Variants in GLI1 observed in about 807,000 individuals in gnomAD.
GLI1 encodes GLI family zinc finger 1, also known as transcription activator GLI1.
Under a neutral mutation model 87.8 loss-of-function variants are expected in GLI1, and 51 were observed. That is an observed-to-expected ratio of 0.58 (90% CI 0.46 to 0.73). The LOEUF is 0.73. Among genes scored for constraint, GLI1 ranks in the 30% least tolerant of loss-of-function variants. The pLI, the probability that GLI1 is intolerant of heterozygous loss-of-function variation, is 0.00. For synonymous variants in GLI1, 528 were observed against 558.2 expected (o/e 0.95, Z 0.76); for missense variants, 1,292 against 1,437.2 (o/e 0.90, Z 1.63).
At chr12:57,464,155 T>C (rs911115588) in intron 3 of GLI1, 64 bp downstream of exon 3, 46 of 1,085,512 alleles carry the variant, frequency 4.2e-5, no homozygotes, top group Non-Finnish European at 6.4e-5. Flanking sequence ...AAAGAGAAAG[T>C]GGGAGGGCAG....
At chr12:57,465,408 T>C (rs1288998110) in intron 5 of GLI1, 153 bp downstream of exon 5, 3 of 769,158 alleles carry the variant, frequency 3.9e-6, no homozygotes, top group East Asian at 5.4e-5. Context: ...CTCCTTGCAG[T>C]TGAGTCAGAC....
chr12:57,466,913 A>AT (rs1389142841), intron 8 of GLI1, among the ~76,000 whole-genome samples: 3 of 151,744 alleles, frequency 2.0e-5, no homozygotes, highest in South Asian at 2.1e-4. Flanking sequence ...CAAAAAAAAA[A>AT]TTTTTTTTAA....
At chr12:57,464,378 C>T (rs1310438615) in intron 3 of GLI1, among the ~76,000 whole-genome samples, 4 of 152,014 alleles carry the variant, frequency 2.6e-5, no homozygotes, top group Admixed American at 1.3e-4. Context: ...AAAAATTAGC[C>T]GGGCGTGGTG....
chr12:57,467,767 C>G (rs536064394), intron 9 of GLI1, among the ~76,000 whole-genome samples: 1 of 152,302 alleles, frequency 6.6e-6, no homozygotes, highest in South Asian at 2.1e-4. Context: ...TTTATGGGAC[C>G]TCACAGCCCT....
chr12:57,467,379 C>T lies in GLI1; in HGVS notation c.959C>T (p.Thr320Met), dbSNP rs564027387. The stretch of plus-strand genomic sequence containing the variant: ...TACTCACGCCTCGAAAACCTGAAGA[C>T]GCACCTGCGGTCACACACGGGTGAG... ...KSYSRLENLK[T>M]HLRSHTGEKP... The change falls in exon 9 of 12, where the codon ACG becomes ATG. Residue 320 changes from threonine (T) to methionine (M), a missense_variant. Transcript: ENST00000228682. 1.4e-5 allele frequency: 23 copies of T among 1,612,220 alleles called. No individual in the cohort carries two copies. The highest frequency in any genetic ancestry group is 1.7e-4 in the Middle Eastern group (1 of 6,058).
chr12:57,465,408 T>A, intron 5 of GLI1, 153 bp downstream of exon 5: 1 of 769,158 alleles, frequency 1.3e-6, no homozygotes. Context: ...CTCCTTGCAG[T>A]TGAGTCAGAC....
At position 57,464,874 on chromosome 12, in the gene GLI1, G is replaced by C. The variant is rs1380720365; in HGVS notation, c.389+6G>C. On this transcript the variant is annotated splice_donor_region_variant and intron_variant, in intron 4 of 11. Coordinates refer to ENST00000228682, the MANE Select transcript of GLI1 (RefSeq NM_005269.3). ...CTCTCCATTGGCACCATGAGGTGCA[G>C]TCAGCCCCGGGCCAAGAGGCCCCTA... 1 of 1,606,122 alleles carries C rather than the reference G, an allele frequency of 6.2e-7. No homozygotes were observed. The highest frequency in any genetic ancestry group is 2.2e-5 in the East Asian group (1 of 44,848).
chr12:57,470,607 C>T lies in GLI1; in HGVS notation c.1867C>T (p.Arg623Ter), dbSNP rs1594749795. Reference protein sequence around the residue: ...GGLPMPPWRSRAEYPGYNPNA... With the variant: ...GGLPMPPWRS ...TCTTCCCATGCCTCCTTGGAGAAGC[C>T]GAGCCGAGTATCCAGGATACAACCC... The change falls in exon 12 of 12, where the codon CGA (arginine) becomes TGA (stop). Residue 623 changes from arginine to a stop codon, truncating the protein, a stop_gained. Coordinates refer to ENST00000228682, the MANE Select transcript of GLI1 (RefSeq NM_005269.3). LOFTEE classifies it high-confidence loss of function. 3 of 1,614,030 alleles carry T rather than the reference C, an allele frequency of 1.9e-6. No individual in the cohort carries two copies. Among genetic ancestry groups the T allele is most frequent in the Non-Finnish European group, 2.5e-6 (3 of 1,180,004 alleles).
intron 1 of GLI1, among the ~76,000 whole-genome samples, chr12:57,460,847 C>T (rs1871094032): frequency 6.6e-6 from 1 of 152,086 alleles, no homozygotes; most frequent in Non-Finnish European, 1.5e-5. Flanking sequence ...TCCTGAGTCC[C>T]AAGGGCTGTG....
In GLI1 at chr12:57,464,760, A is replaced by C. The variant is rs1253544916; in HGVS notation, c.281A>C (p.Asp94Ala). The change falls in exon 4 of 12, where the codon GAC becomes GCC. Residue 94 changes from aspartate (D) to alanine (A), a missense_variant. Transcript: ENST00000228682. ...TCACCTCTGTCGGATGCCAGCCTGGACCTGCAGACGGTTATCCGCACCTCA... is the reference window on the plus strand; with the variant it reads ...TCACCTCTGTCGGATGCCAGCCTGGCCCTGCAGACGGTTATCCGCACCTCA... ...SISPLSDASLDLQTVIRTSPS... is the reference protein window; with the variant it reads ...SISPLSDASLALQTVIRTSPS... 3 of 1,613,808 alleles carry C rather than the reference A, an allele frequency of 1.9e-6. No homozygotes were observed.
At chr12:57,462,224 C>T (rs2139847205) in intron 1 of GLI1, among the ~76,000 whole-genome samples, 1 of 152,146 alleles carries the variant, frequency 6.6e-6, no homozygotes, top group African/African-American at 2.4e-5. Flanking sequence ...TGCCCCCCGC[C>T]CCCCAACATT....
At position 57,471,433 on chromosome 12, in the gene GLI1, T is replaced by C; in HGVS notation, c.2693T>C (p.Val898Ala). 6.2e-7 allele frequency: 1 copy of C among 1,613,602 alleles called. No individual in the cohort carries two copies. The highest frequency in any genetic ancestry group is 8.5e-7 in the Non-Finnish European group (1 of 1,179,836). Residue 898 changes from valine to alanine, a missense_variant, in exon 12 of 12, where the codon GTG becomes GCG. Physicochemically the swap from Val to Ala is moderately conservative, Grantham distance 64 (BLOSUM62 0). Around this residue, in one of 3 missense-constraint regions of GLI1, gnomAD observed 897 missense variants for 1,040.7 expected, o/e 0.86. Coordinates refer to ENST00000228682, the MANE Select transcript of GLI1 (RefSeq NM_005269.3). The surrounding 1 kb of genome is among the most constrained non-coding windows in gnomAD (Gnocchi z 4.9). ...HSTGQLKAQLVCNYVQSQQEL... is the reference protein window; with the variant it reads ...HSTGQLKAQLACNYVQSQQEL... ...ACAGGGCAGCTCAAGGCTCAGCTTG[T>C]GTGTAATTATGTTCAATCTCAACAG... is the stretch of plus-strand genomic sequence containing the variant.
rs542007910 is a variant in GLI1 at position 57,465,224 on chromosome 12, C to G, written c.503C>G (p.Pro168Arg). ...GCCCGGGGTGGGATGATCCCACATC[C>G]TCAGTCCCGGGGACCCTTCCCAACT... is the stretch of plus-strand genomic sequence containing the variant. ...DSARGGMIPHPQSRGPFPTCQ... is the reference protein window; with the variant it reads ...DSARGGMIPHRQSRGPFPTCQ... Residue 168 changes from proline to arginine, a missense_variant, in exon 5 of 12, where the codon CCT (proline) becomes CGT (arginine). Transcript: ENST00000228682. The G allele has an allele frequency of 8.2e-4, 1,316 of 1,613,506 alleles. 25 individuals carry two copies. The South Asian group carries it at 0.013, about 16-fold the overall frequency.
Position 57,464,087 on chromosome 12 carries a change from CGAGGGT to C in GLI1, c.193+2_193+7del. On this transcript the variant is annotated splice_donor_variant and coding_sequence_variant, in exon 3 of 12. Coordinates refer to ENST00000228682, the MANE Select transcript of GLI1 (RefSeq NM_005269.3). LOFTEE classifies it high-confidence loss of function. ...CAGCCAGAGAGACCAACAGCTGCACCGAGGGTGAGGGCTCAGGCAACACCTCTTCCC... is the reference window on the plus strand; with the variant it reads ...CAGCCAGAGAGACCAACAGCTGCACCGAGGGCTCAGGCAACACCTCTTCCC... The C allele has an allele frequency of 6.3e-7, 1 of 1,599,518 alleles. No individual in the cohort carries two copies. Among genetic ancestry groups the C allele is most frequent in the Non-Finnish European group, 8.6e-7 (1 of 1,166,640 alleles).
intron 8 of GLI1, 143 bp from the exon 9 acceptor site, chr12:57,467,190 A>G: frequency 1.7e-6 from 1 of 601,622 alleles, no homozygotes; most frequent in Middle Eastern, 2.8e-4. Context: ...CTTGTCCCCT[A>G]GTTTTGGGAA....
Position 57,468,313 on chromosome 12 carries a change from C to G in GLI1, c.1308+89C>G, listed in dbSNP as rs1016947022. 8.9e-6 allele frequency: 7 copies of G among 787,352 alleles called. No homozygotes were observed. In the African/African-American group the frequency reaches 1.2e-4, roughly 14 times the overall value. The allele number at this position is 787,352 out of a possible 1,614,324, so 48.8% of individuals were successfully genotyped here. A position where few individuals can be genotyped will look rare whatever the true frequency, so the allele number is the denominator to read the frequency against. The stretch of plus-strand genomic sequence containing the variant: ...TACTTCCCAACCCATCCATTCCCTC[C>G]TATAGAAGTCACTCTTCTGTGACCA... On this transcript the variant is annotated intron_variant, in intron 10 of 11. Coordinates refer to ENST00000228682, the MANE Select transcript of GLI1 (RefSeq NM_005269.3).
Position 57,468,132 on chromosome 12 carries a change from G to T in GLI1, c.1216G>T (p.Ala406Ser), listed in dbSNP as rs1195244430. The change falls in exon 10 of 12, where the codon GCA (alanine) becomes TCA (serine). Residue 406 changes from alanine to serine, a missense_variant. Physicochemically the swap from Ala to Ser is moderately conservative, Grantham distance 99 (BLOSUM62 1). This residue lies in a region of GLI1 where 897 missense variants were observed against 1,040.7 expected (regional missense o/e 0.86). Coordinates refer to ENST00000228682, the MANE Select transcript of GLI1 (RefSeq NM_005269.3). ...CCGTGGGGATGGCCCCCTGCCTCGGGCACCATCCATTTCTACAGTGGAGCC... is the reference window on the plus strand; with the variant it reads ...CCGTGGGGATGGCCCCCTGCCTCGGTCACCATCCATTTCTACAGTGGAGCC... ...RHRGDGPLPR[A>S]PSISTVEPKR... 1.2e-6 allele frequency: 2 copies of T among 1,614,178 alleles called. No individual in the cohort carries two copies. The highest frequency in any genetic ancestry group is 3.3e-5 in the Admixed American group (2 of 60,030).
rs551897439 is a variant in GLI1, at chr12:57,459,905, G to A, written c.-324G>A. 2.4e-4 allele frequency among the ~76,000 whole-genome samples: 36 copies of A among 152,266 alleles called. No individual in the cohort carries two copies. The highest frequency in any genetic ancestry group is 7.7e-4 in the African/African-American group (32 of 41,550). ...CGCCTCATCCTCCAGAACGGCAAGAGGGAGGGAAATAGAAGGGAGGTGAGG... is the reference window on the plus strand; with the variant it reads ...CGCCTCATCCTCCAGAACGGCAAGAAGGAGGGAAATAGAAGGGAGGTGAGG... On this transcript the variant is annotated 5_prime_UTR_variant, in exon 1 of 12. Transcript: ENST00000228682.
rs1871959085 is a variant in GLI1 at position 57,471,645 on chromosome 12, C to T, written c.2905C>T (p.Pro969Ser). ...HKSGSYPTPS[P>S]CHENFVVGAN... ...GTCAGGTTCCTATCCCACCCCTTCA[C>T]CATGCCATGAAAATTTTGTAGTGGG... The change falls in exon 12 of 12, where the codon CCA (proline) becomes TCA (serine). Residue 969 changes from proline to serine, a missense_variant. By Grantham distance (74) the Pro-to-Ser change is moderately conservative. Coordinates refer to ENST00000228682, the MANE Select transcript of GLI1 (RefSeq NM_005269.3). This position sits in a 1 kb window ranked among gnomAD's most constrained non-coding sequence, Gnocchi z 4.9. 6.2e-7 allele frequency: 1 copy of T among 1,613,194 alleles called. No individual in the cohort carries two copies. Among genetic ancestry groups the T allele is most frequent in the South Asian group, 1.1e-5 (1 of 91,018 alleles).
Sources: allele counts gnomAD v4.1 joint callset (sites outside exome capture counted in the v4.1 genomes callset), GRCh38; gene constraint gnomAD v4.1.1; regional missense constraint gnomAD v4.1.1; non-coding constraint Gnocchi (gnomAD v3.1); transcripts MANE v1.5; gene names NCBI Gene and HGNC (gene_info 2026-07-23, HGNC 2026-07-21).